Variants in CFAP99 observed in about 807,000 individuals in gnomAD.
CFAP99 encodes cilia- and flagella-associated protein 99.
CFAP99 carries 84 observed loss-of-function variants against 82.7 expected under a neutral mutation model. The ratio of observed to expected loss-of-function variants is 1.02; its 90% CI spans 0.85 to 1.22. The LOEUF (loss-of-function observed/expected upper bound fraction) is 1.22. Among genes scored for constraint, CFAP99 ranks in the 50% most tolerant of loss-of-function variants. CFAP99 has a pLI of 0.00. For synonymous variants in CFAP99, 456 were observed against 429.5 expected, an observed-to-expected ratio of 1.06 and a Z score of -0.76; for missense variants, 1,059 against 983.5, an observed-to-expected ratio of 1.08 and a Z score of -1.03.
At chr4:2,438,120 T>C (rs1398279557) in exon 4 of CFAP99, 3 of 1,535,480 alleles carry the variant, frequency 2.0e-6, no homozygotes, top group Admixed American at 3.9e-5. Context: ...CTTCCAGCTA[T>C]TCTGTAACAT....
In CFAP99 at chr4:2,462,583, G is replaced by T. The variant is rs903019391; in HGVS notation, c.1802G>T (p.Arg601Leu). Residue 601 changes from arginine (R) to leucine (L), a missense_variant, in exon 15 of 15, where the codon CGG (arginine) becomes CTG (leucine). Physicochemically the swap from Arg to Leu is moderately radical, Grantham distance 102. Transcript: ENST00000635017. This position sits in a 1 kb window ranked among gnomAD's most constrained non-coding sequence, Gnocchi z 4.1. Reference sequence around the variant, plus strand: ...GCCTTGCTGCACGTGTCGGCGCCGCGGACCGCGCGCCCCAAGCCCCGGGTG... The same window carrying T: ...GCCTTGCTGCACGTGTCGGCGCCGCTGACCGCGCGCCCCAAGCCCCGGGTG... 5 of 1,428,966 alleles carry T rather than the reference G, an allele frequency of 3.5e-6. No individual in the cohort carries two copies. The South Asian group carries it at 7.0e-5, about 20-fold the overall frequency. The allele number at this position is 1,428,966 out of a possible 1,614,324, so 88.5% of individuals were successfully genotyped here. A position where few individuals can be genotyped will look rare whatever the true frequency, so the allele number is the denominator to read the frequency against.
At chr4:2,453,873 G>A (rs1416925275) in intron 11 of CFAP99, among the ~76,000 whole-genome samples, 1 of 151,370 alleles carries the variant, frequency 6.6e-6, no homozygotes, top group Non-Finnish European at 1.5e-5. Context: ...GAGTGCGGTG[G>A]TGTGATCTCA....
chr4:2,442,549 C>T (rs1181224730), intron 4 of CFAP99, among the ~76,000 whole-genome samples: 2 of 152,140 alleles, frequency 1.3e-5, no homozygotes, highest in African/African-American at 4.8e-5. Flanking sequence ...CCCGCTCAGC[C>T]CGTGCCTCCT....
chr4:2,434,108 G>A (rs571933033), intron 2 of CFAP99, among the ~76,000 whole-genome samples: 9 of 152,312 alleles, frequency 5.9e-5, no homozygotes, highest in African/African-American at 2.2e-4. Context: ...CGTTTACTGC[G>A]CCGCAAGGTT....
intron 12 of CFAP99, 96 bp downstream of exon 12, chr4:2,458,960 AG>A: frequency 1.4e-6 from 2 of 1,465,924 alleles, no homozygotes; most frequent in Middle Eastern, 2.3e-4. Context: ...ATGGCTGTCC[AG>A]GGTCAGGGAC....
chr4:2,442,856 C>G (rs914861470), intron 4 of CFAP99, among the ~76,000 whole-genome samples: 1 of 150,914 alleles, frequency 6.6e-6, no homozygotes, highest in Non-Finnish European at 1.5e-5. Flanking sequence ...GCACACCCTG[C>G]GCGGTGGCCT....
At chr4:2,445,459 C>T (rs1360571620) in intron 6 of CFAP99, among the ~76,000 whole-genome samples, 151 bp downstream of exon 6, 3 of 152,112 alleles carry the variant, frequency 2.0e-5, no homozygotes, top group East Asian at 1.9e-4. Flanking sequence ...GACCCCACCC[C>T]ACCCCCACTC....
intron 2 of CFAP99, chr4:2,427,084 G>A: frequency 5.9e-6 from 1 of 169,948 alleles, no homozygotes; most frequent in South Asian, 1.5e-4. Context: ...GGGGAGCCGA[G>A]GGCTGCAGGC....
chr4:2,462,189 AAAG>A lies in CFAP99; in HGVS notation c.1662-251_1662-249del, dbSNP rs1734636446. ...CAAACAAACAACAACAACAAAAATT[AAAG>A]AAAAGAAAAAAAGAGCAAAAGGGTA... On this transcript the variant is annotated intron_variant, in intron 14 of 14. Transcript: ENST00000635017. The surrounding 1 kb of genome is among the most constrained non-coding windows in gnomAD (Gnocchi z 4.1). 1 of 364,896 alleles carries A rather than the reference AAAG, an allele frequency of 2.7e-6. No homozygotes were observed. Among genetic ancestry groups the A allele is most frequent in the African/African-American group, 2.1e-5 (1 of 47,198 alleles). 22.6% of individuals were successfully genotyped at this position (364,896 alleles called of 1,614,324 possible).
chr4:2,429,852 A>T (rs1483958586), intron 2 of CFAP99, among the ~76,000 whole-genome samples: 1 of 152,128 alleles, frequency 6.6e-6, no homozygotes, highest in South Asian at 2.1e-4. Context: ...CGGCCTCCCA[A>T]GGTGCTGGGA....
chr4:2,451,431 G>C, intron 10 of CFAP99, 79 bp downstream of exon 10: 2 of 1,393,502 alleles, frequency 1.4e-6, no homozygotes, highest in South Asian at 1.3e-5. Flanking sequence ...GGGCCTGGGG[G>C]CTGGGCAGCT....
chr4:2,459,011 A>G, intron 12 of CFAP99, 96 bp from the exon 13 acceptor site: 1 of 1,448,082 alleles, frequency 6.9e-7, no homozygotes, highest in African/African-American at 1.4e-5. Context: ...CACTGAGGCC[A>G]GAGTCCTGGC....
chr4:2,423,513 G>A (rs758387824), intron 1 of CFAP99, among the ~76,000 whole-genome samples: 1 of 152,226 alleles, frequency 6.6e-6, no homozygotes, highest in Non-Finnish European at 1.5e-5. Context: ...TCAGAGGAGA[G>A]TGAAAGGACC....
chr4:2,436,787 C>G, intron 2 of CFAP99, 87 bp from the exon 3 acceptor site: 2 of 1,130,270 alleles, frequency 1.8e-6, no homozygotes, highest in Non-Finnish European at 2.5e-6. Flanking sequence ...GCCGCTCCAC[C>G]CCTGCCTTTG....
chr4:2,443,664 G>A (rs1265339461), intron 5 of CFAP99, among the ~76,000 whole-genome samples: 1 of 152,172 alleles, frequency 6.6e-6, no homozygotes, highest in Non-Finnish European at 1.5e-5. Flanking sequence ...AGAGTGCGGA[G>A]TAGGGGTGAG....
Position 2,462,409 on chromosome 4 carries a change from G to C in CFAP99, c.1662-34G>C, listed in dbSNP as rs758212916. Reference sequence around the variant, plus strand: ...CTGGGTCTGGCCTGGGCCTCCCGCCGGCCTGCTCCTGAGCCCGCCGCGTCG... The same window carrying C: ...CTGGGTCTGGCCTGGGCCTCCCGCCCGCCTGCTCCTGAGCCCGCCGCGTCG... On this transcript the variant is annotated intron_variant, in intron 14 of 14. Coordinates refer to ENST00000635017, the Ensembl canonical transcript of CFAP99. This position sits in a 1 kb window ranked among gnomAD's most constrained non-coding sequence, Gnocchi z 4.1. The C allele has an allele frequency of 1.1e-4, 159 of 1,401,074 alleles. 2 individuals carry two copies. In the Middle Eastern group the frequency reaches 2.3e-3, roughly 20 times the overall value. The allele number at this position is 1,401,074 out of a possible 1,614,324, so 86.8% of individuals were successfully genotyped here.
intron 1 of CFAP99, among the ~76,000 whole-genome samples, chr4:2,423,635 C>T (rs1341519373): frequency 6.6e-6 from 1 of 152,166 alleles, no homozygotes; most frequent in Non-Finnish European, 1.5e-5. Flanking sequence ...TCCCCAGGGG[C>T]AGGCCATGAA....
Position 2,445,303 on chromosome 4 carries a change from A to T in CFAP99, c.637A>T (p.Arg213Ter). 1 of 1,345,556 alleles carries T rather than the reference A, an allele frequency of 7.4e-7. No individual in the cohort carries two copies. The highest frequency in any genetic ancestry group is 2.0e-5 in the South Asian group (1 of 50,488). The allele number at this position is 1,345,556 out of a possible 1,614,324, so 83.4% of individuals were successfully genotyped here. ...ACCAGTCCCGGTCGTGGCCAAGCCG[A>T]GACCCGTGAGTGTGGGCATTCTCAG... The change falls in exon 6 of 15, where the codon AGA becomes TGA. Residue 213 changes from arginine (R) to a stop codon, truncating the protein, a stop_gained. Transcript: ENST00000635017. LOFTEE classifies it high-confidence loss of function.
rs1221864613 is a variant in CFAP99, at chr4:2,446,758, T to TTGGA, written c.642+1462_642+1465dup. Among the ~76,000 whole-genome samples, 2 of 152,168 alleles carry TTGGA rather than the reference T, an allele frequency of 1.3e-5. No individual in the cohort carries two copies. Among genetic ancestry groups the TTGGA allele is most frequent in the East Asian group, 3.9e-4 (2 of 5,178 alleles). ...AAAGCAGAACCTCAGTAAATACCAG[T>TTGGA]TGGATGGATGGATGGGTGGATGGAT... On this transcript the variant is annotated intron_variant, in intron 6 of 14. Transcript: ENST00000635017. This position sits in a 1 kb window ranked among gnomAD's most constrained non-coding sequence, Gnocchi z 5.0.
Sources: allele counts gnomAD v4.1 joint callset (sites outside exome capture counted in the v4.1 genomes callset), GRCh38; gene constraint gnomAD v4.1.1; non-coding constraint Gnocchi (gnomAD v3.1); transcripts MANE v1.5; gene names NCBI Gene and HGNC (gene_info 2026-07-23, HGNC 2026-07-21).